Variants in CYP7B1 observed in about 807,000 individuals in gnomAD.
CYP7B1 encodes cytochrome P450 family 7 subfamily B member 1.
Under a neutral mutation model 42.7 loss-of-function variants are expected in CYP7B1, and 29 were observed. The observed-to-expected ratio is 0.68, with a 90% confidence interval of 0.51 to 0.93. CYP7B1 has a LOEUF of 0.93. CYP7B1 is among the 40% of genes least tolerant of loss of function. The pLI, the probability that CYP7B1 is intolerant of heterozygous loss-of-function variation, is 0.00. For missense variants in CYP7B1, 655 were observed against 600.5 expected, an observed-to-expected ratio of 1.09 and a Z score of -0.95; for synonymous variants, 235 against 218.2, an observed-to-expected ratio of 1.08 and a Z score of -0.68.
rs145588142 is a variant in CYP7B1, at chr8:64,616,317, G to A, written c.260-36C>T. 1.0e-4 allele frequency: 132 copies of A among 1,298,354 alleles called. No homozygotes were observed. In the African/African-American group the frequency reaches 1.3e-3, roughly 13 times the overall value. 80.4% of individuals were successfully genotyped at this position (1,298,354 alleles called of 1,614,324 possible). A position where few individuals can be genotyped will look rare whatever the true frequency, so the allele number is the denominator to read the frequency against. Reference sequence around the variant, plus strand: ...AAAAAGAGAGAGAAAATATGAGTTCGTTTGTTAATAAAACAGAAATAAACA... The same window carrying A: ...AAAAAGAGAGAGAAAATATGAGTTCATTTGTTAATAAAACAGAAATAAACA... On this transcript the variant is annotated intron_variant, in intron 2 of 5. Transcript: ENST00000310193.
chr8:64,728,975 A>G (rs1585881068), intron 1 of CYP7B1: 1 of 152,328 alleles, frequency 6.6e-6, no homozygotes, highest in Non-Finnish European at 1.5e-5. Context: ...CCTGAGGAAC[A>G]TGGCAAAACC....
intron 1 of CYP7B1, among the ~76,000 whole-genome samples, chr8:64,729,942 C>T (rs929051300): frequency 6.6e-6 from 1 of 152,162 alleles, no homozygotes; most frequent in Admixed American, 6.5e-5. Flanking sequence ...GGCTGTGAAT[C>T]TAGTCTTTTG....
At chr8:64,659,639 T>A (rs1563380474) in intron 1 of CYP7B1, among the ~76,000 whole-genome samples, 1 of 152,186 alleles carries the variant, frequency 6.6e-6, no homozygotes, top group Non-Finnish European at 1.5e-5. Context: ...ATACTTGTAA[T>A]TTTTGATATA....
chr8:64,642,961 T>C (rs979380798), intron 1 of CYP7B1, among the ~76,000 whole-genome samples: 2 of 151,752 alleles, frequency 1.3e-5, no homozygotes, highest in African/African-American at 4.8e-5. Flanking sequence ...TTCCTGAAAA[T>C]CTGCCACCTT....
rs1266764996 is a variant in CYP7B1 at position 64,608,155 on chromosome 8, G to C, written c.1058-3298C>G. On this transcript the variant is annotated intron_variant, in intron 4 of 5. Coordinates refer to ENST00000310193, the MANE Select transcript of CYP7B1 (RefSeq NM_004820.5). ...TATCCCTTCTAAGTGAAATGCCAGG[G>C]AATGTCTTGAGCTAAAATCTTTTAC... Among the ~76,000 whole-genome samples the C allele has an allele frequency of 2.0e-5, 3 of 152,274 alleles. No homozygotes were observed. In the East Asian group the frequency reaches 5.8e-4, roughly 29 times the overall value.
At chr8:64,782,513 G>A (rs1488685144) in intron 1 of CYP7B1, among the ~76,000 whole-genome samples, 1 of 152,142 alleles carries the variant, frequency 6.6e-6, no homozygotes, top group Non-Finnish European at 1.5e-5. Flanking sequence ...AAATAACTTC[G>A]ATCTTTCTAA....
chr8:64,668,589 C>T (rs545802237), intron 1 of CYP7B1, among the ~76,000 whole-genome samples: 4 of 151,600 alleles, frequency 2.6e-5, no homozygotes, highest in Non-Finnish European at 5.9e-5. Context: ...ATACATGCCT[C>T]CTATAATGGA....
At chr8:64,730,486 T>G (rs1807392423) in intron 1 of CYP7B1, among the ~76,000 whole-genome samples, 1 of 152,162 alleles carries the variant, frequency 6.6e-6, no homozygotes. Context: ...GTGCATGAAC[T>G]GAATAGCAGA....
chr8:64,687,024 CA>C (rs1169678575), intron 1 of CYP7B1, among the ~76,000 whole-genome samples: 1 of 140,058 alleles, frequency 7.1e-6, no homozygotes, highest in Non-Finnish European at 1.5e-5. Context: ...CTAGGAAAAC[CA>C]GAGACCTTTG....
intron 1 of CYP7B1, among the ~76,000 whole-genome samples, chr8:64,775,339 A>G (rs373468060): frequency 6.6e-6 from 1 of 152,102 alleles, no homozygotes; most frequent in African/African-American, 2.4e-5. Context: ...AGCTCCAACT[A>G]AAGTGGAGCC....
intron 1 of CYP7B1, among the ~76,000 whole-genome samples, chr8:64,668,925 G>A (rs757724328): frequency 2.0e-5 from 3 of 152,042 alleles, no homozygotes; most frequent in Non-Finnish European, 2.9e-5. Flanking sequence ...ATGAAAATAT[G>A]TTCGAATCCC....
intron 1 of CYP7B1, among the ~76,000 whole-genome samples, chr8:64,663,104 C>T (rs566765058): frequency 1.3e-5 from 2 of 152,194 alleles, no homozygotes; most frequent in African/African-American, 4.8e-5. Flanking sequence ...TTCTAACAAG[C>T]CTTTTCTTAT....
chr8:64,672,405 T>A (rs1806380297), intron 1 of CYP7B1, among the ~76,000 whole-genome samples: 1 of 152,096 alleles, frequency 6.6e-6, no homozygotes, highest in Non-Finnish European at 1.5e-5. Flanking sequence ...AGAACAAATA[T>A]CCCTCTCTGA....
chr8:64,610,886 C>A (rs1366671513), intron 4 of CYP7B1, among the ~76,000 whole-genome samples: 1 of 152,092 alleles, frequency 6.6e-6, no homozygotes, highest in Non-Finnish European at 1.5e-5. Context: ...GTATGACTTG[C>A]ATTAGTTTAG....
intron 2 of CYP7B1, among the ~76,000 whole-genome samples, chr8:64,622,271 C>T (rs1417057123): frequency 6.6e-6 from 1 of 152,198 alleles, no homozygotes; most frequent in Non-Finnish European, 1.5e-5. Context: ...CTCTGACCCT[C>T]AGCAAAGTAG....
chr8:64,776,352 A>C (rs1439538319), intron 1 of CYP7B1, among the ~76,000 whole-genome samples: 3 of 152,254 alleles, frequency 2.0e-5, no homozygotes, highest in African/African-American at 7.2e-5. Flanking sequence ...TTGCAAATGC[A>C]TCTATGCATA....
intron 1 of CYP7B1, among the ~76,000 whole-genome samples, chr8:64,718,402 C>A (rs1001650066): frequency 6.6e-6 from 1 of 152,172 alleles, no homozygotes; most frequent in East Asian, 1.9e-4. Flanking sequence ...CTCGTCAGGA[C>A]TAAGCACCAG....
At chr8:64,616,611 TTC>T (rs1805453343) in intron 2 of CYP7B1, among the ~76,000 whole-genome samples, 1 of 152,214 alleles carries the variant, frequency 6.6e-6, no homozygotes, top group African/African-American at 2.4e-5. Flanking sequence ...ACTTAAATAC[TTC>T]TCATATATTT....
At chr8:64,735,702 G>A (rs1447994435) in intron 1 of CYP7B1, among the ~76,000 whole-genome samples, 1 of 152,122 alleles carries the variant, frequency 6.6e-6, no homozygotes, top group Non-Finnish European at 1.5e-5. Flanking sequence ...ACAAAAAGTA[G>A]AGAGAAAATT....
Sources: gnomAD v4.1 joint callset for allele counts (sites outside exome capture counted in the v4.1 genomes callset) on GRCh38, gnomAD v4.1.1 for gene constraint, MANE v1.5 for transcripts, NCBI Gene and HGNC (gene_info 2026-07-23, HGNC 2026-07-21) for gene names.